Variants in ANKRD62 observed in about 807,000 individuals in gnomAD.
ANKRD62 encodes ankyrin repeat domain-containing protein 62.
ANKRD62 carries 61 observed loss-of-function variants against 98.8 expected under a neutral mutation model. The observed-to-expected ratio is 0.62, with a 90% CI of 0.50 to 0.76. The LOEUF is 0.76. Ranked by LOEUF, ANKRD62 falls within the 30% of genes least tolerant of loss-of-function variation. The pLI is 0.00. For missense variants in ANKRD62, 933 were observed against 1,082.9 expected (o/e 0.86, Z 1.94); for synonymous variants, 341 against 367.9 (o/e 0.93, Z 0.84).
At chr18:12,177,630 T>C in the ANKRD62 span, among the ~76,000 whole-genome samples, 4 of 151,898 alleles carry the variant, frequency 2.6e-5, no homozygotes, top group African/African-American at 7.3e-5. Flanking sequence ...AGCCCAGCCA[T>C]AGGCTCTTAG....
chr18:12,154,661 A>G, the ANKRD62 span, among the ~76,000 whole-genome samples: 3 of 152,218 alleles, frequency 2.0e-5, no homozygotes, highest in Non-Finnish European at 4.4e-5. Context: ...ATAAAGCCAC[A>G]TGCATGTGAA....
chr18:12,132,909 C>G (rs2143941239), downstream of ANKRD62, among the ~76,000 whole-genome samples: 1 of 152,156 alleles, frequency 6.6e-6, no homozygotes, highest in Non-Finnish European at 1.5e-5. Context: ...TTTGAAAGTT[C>G]TGGTGAAATA....
chr18:12,123,870 C>T (rs1909832001), intron 11 of ANKRD62, among the ~76,000 whole-genome samples: 1 of 152,150 alleles, frequency 6.6e-6, no homozygotes, highest in Admixed American at 6.5e-5. Flanking sequence ...TAATTTTTAA[C>T]TTGTAACTTT....
In ANKRD62 at chr18:12,099,142, A is replaced by G. The variant is rs145431359; in HGVS notation, c.753-473A>G. 1.0e-4 allele frequency among the ~76,000 whole-genome samples: 16 copies of G among 152,386 alleles called. 1 individual carries two copies. Among genetic ancestry groups the G allele is most frequent in the African/African-American group, 3.8e-4 (16 of 41,604 alleles). ...TTTTAATATTAGAACATATGTGAAA[A>G]TACACATTGGGTTTCATTTGGGATT... On this transcript the variant is annotated intron_variant, in intron 5 of 13. Transcript: ENST00000587848.
chr18:12,140,251 A>AT, the ANKRD62 span, among the ~76,000 whole-genome samples: 7 of 151,646 alleles, frequency 4.6e-5, no homozygotes, highest in Non-Finnish European at 7.4e-5. Context: ...CATTCATCTA[A>AT]TTTTTTTTCA....
chr18:12,097,517 T>G, intron 4 of ANKRD62, 123 bp from the exon 5 acceptor site: 1 of 1,061,746 alleles, frequency 9.4e-7, no homozygotes, highest in South Asian at 1.9e-5. Context: ...TTTGTGTTTA[T>G]TAGTACATGT....
At chr18:12,135,807 T>C in the ANKRD62 span, among the ~76,000 whole-genome samples, 1 of 152,322 alleles carries the variant, frequency 6.6e-6, no homozygotes, top group African/African-American at 2.4e-5. Flanking sequence ...TTATGAGCAT[T>C]TTTTCATGTG....
At chr18:12,104,164 A>G (rs781464577) in intron 7 of ANKRD62, among the ~76,000 whole-genome samples, 4 of 152,122 alleles carry the variant, frequency 2.6e-5, no homozygotes, top group Admixed American at 6.5e-5. Context: ...TGGTAAATCT[A>G]TCACACAATG....
chr18:12,174,152 T>G, the ANKRD62 span, among the ~76,000 whole-genome samples: 1 of 152,232 alleles, frequency 6.6e-6, no homozygotes, highest in Non-Finnish European at 1.5e-5. Context: ...TTTGGTCTCT[T>G]TATGTAATCC....
At chr18:12,156,778 A>G in the ANKRD62 span, among the ~76,000 whole-genome samples, 1 of 152,138 alleles carries the variant, frequency 6.6e-6, no homozygotes, top group African/African-American at 2.4e-5. Flanking sequence ...AAAATATCCT[A>G]TATTAATTTT....
At position 12,124,320 on chromosome 18, in the gene ANKRD62, G is replaced by C. The variant is rs1174962569; in HGVS notation, c.1638G>C (p.Gln546His). 65 of 1,025,798 alleles carry C rather than the reference G, an allele frequency of 6.3e-5. No homozygotes were observed. The highest frequency in any genetic ancestry group is 8.1e-5 in the Non-Finnish European group (61 of 748,818). The allele number at this position is 1,025,798 out of a possible 1,614,324, so 63.5% of individuals were successfully genotyped here. A position where few individuals can be genotyped will look rare whatever the true frequency, so the allele number is the denominator to read the frequency against. Reference protein sequence around the residue: ...ELKTVRSNSNQNFHTHERERD... With the variant: ...ELKTVRSNSNHNFHTHERERD... ...AGACTGTAAGAAGTAACTCAAATCA[G>C]GTAAATTAATGTTTGGTAAAATTTT... Residue 546 changes from glutamine (Q) to histidine (H), a missense_variant and splice_region_variant, in exon 12 of 14, where the codon CAG becomes CAC. Physicochemically the swap from Gln to His is conservative, Grantham distance 24 (BLOSUM62 0). Coordinates refer to ENST00000587848, the MANE Select transcript of ANKRD62 (RefSeq NM_001277333.2).
intron 13 of ANKRD62, among the ~76,000 whole-genome samples, chr18:12,126,598 G>A (rs1018554905): frequency 3.1e-4 from 47 of 152,240 alleles, no homozygotes; most frequent in Admixed American, 1.1e-3. Context: ...TGACACTTAG[G>A]AAATTTTAAA....
the ANKRD62 span, among the ~76,000 whole-genome samples, chr18:12,153,469 G>A: frequency 6.6e-6 from 1 of 151,774 alleles, no homozygotes; most frequent in Admixed American, 6.6e-5. Context: ...GTGCACACCT[G>A]TAACCCCAGC....
chr18:12,133,124 A>G (rs1381138525), downstream of ANKRD62, among the ~76,000 whole-genome samples: 1 of 152,086 alleles, frequency 6.6e-6, no homozygotes, highest in African/African-American at 2.4e-5. Context: ...TTCTGTCTCT[A>G]TGAATTTACC....
At chr18:12,141,239 A>G in the ANKRD62 span, among the ~76,000 whole-genome samples, 1 of 152,190 alleles carries the variant, frequency 6.6e-6, no homozygotes, top group African/African-American at 2.4e-5. Flanking sequence ...CTGATTTTCA[A>G]GGTGCTGTCT....
At chr18:12,138,784 TTACCATTATG>T in the ANKRD62 span, among the ~76,000 whole-genome samples, 1 of 152,244 alleles carries the variant, frequency 6.6e-6, no homozygotes, top group Non-Finnish European at 1.5e-5. Context: ...ATTGATCCCT[TTACCATTATG>T]TAATGGCCAT....
chr18:12,135,620 T>A, the ANKRD62 span, among the ~76,000 whole-genome samples: 1 of 151,598 alleles, frequency 6.6e-6, no homozygotes, highest in African/African-American at 2.4e-5. Context: ...ATCGCCACAC[T>A]GACTTCCACA....
At chr18:12,098,086 T>A (rs1909220641) in intron 5 of ANKRD62, among the ~76,000 whole-genome samples, 1 of 152,314 alleles carries the variant, frequency 6.6e-6, no homozygotes, top group South Asian at 2.1e-4. Context: ...GTTCAGATAG[T>A]GTTGCAGGAA....
At chr18:12,102,741 T>C (rs1909331630) in intron 6 of ANKRD62, 2 of 1,004,460 alleles carry the variant, frequency 2.0e-6, no homozygotes, top group Non-Finnish European at 2.4e-6. Context: ...AACAGTCATA[T>C]TGGAAGTTAC....
Sources: allele counts gnomAD v4.1 joint callset (sites outside exome capture counted in the v4.1 genomes callset), GRCh38; gene constraint gnomAD v4.1.1; transcripts MANE v1.5; gene names NCBI Gene and HGNC (gene_info 2026-07-23, HGNC 2026-07-21).